Variants in ZNF736 observed in about 807,000 individuals in gnomAD.
ZNF736 encodes zinc finger protein 736.
ZNF736 carries 6 observed loss-of-function variants against 11.7 expected under a neutral mutation model. The observed-to-expected ratio is 0.51, with a 90% CI of 0.28 to 1.01. The LOEUF (loss-of-function observed/expected upper bound fraction) is 1.01. ZNF736 is among the 50% of genes least tolerant of loss of function. ZNF736 has a pLI of 0.09. For synonymous variants in ZNF736, 139 were observed against 164.7 expected (o/e 0.84, Z 1.19); for missense variants, 444 against 496.0 (o/e 0.90, Z 1.00).
intron 1 of ZNF736, 89 bp downstream of exon 1, chr7:64,314,242 G>C: frequency 3.3e-6 from 5 of 1,510,254 alleles, no homozygotes; most frequent in Non-Finnish European, 4.5e-6. Flanking sequence ...GGGCCTTCTC[G>C]CGGTCTGCTC....
intron 3 of ZNF736, among the ~76,000 whole-genome samples, chr7:64,339,828 A>G (rs2115943684): frequency 6.6e-6 from 1 of 152,308 alleles, no homozygotes; most frequent in South Asian, 2.1e-4. Context: ...GAAAAATTGT[A>G]CTAAAATTTT....
At chr7:64,321,309 A>C (rs1485564165) in intron 1 of ZNF736, among the ~76,000 whole-genome samples, 1 of 152,216 alleles carries the variant, frequency 6.6e-6, no homozygotes, top group Non-Finnish European at 1.5e-5. Flanking sequence ...CAGTTAAAGA[A>C]ATTGCCTTTT....
intron 1 of ZNF736, among the ~76,000 whole-genome samples, chr7:64,328,254 G>GTTT (rs71060587): frequency 0.12 from 17,116 of 147,226 alleles, 1,399 homozygotes; most frequent in East Asian, 0.47. Flanking sequence ...AGTTGTTTTT[G>GTTT]TTTTTTTTTT....
At chr7:64,314,791 C>A (rs1453400073) in intron 1 of ZNF736, among the ~76,000 whole-genome samples, 1 of 152,122 alleles carries the variant, frequency 6.6e-6, no homozygotes, top group East Asian at 1.9e-4. Context: ...TCTCGAACTC[C>A]CCGAGCTCAG....
intron 3 of ZNF736, among the ~76,000 whole-genome samples, chr7:64,338,098 C>T (rs772709676): frequency 7.9e-5 from 12 of 152,076 alleles, no homozygotes; most frequent in East Asian, 1.9e-4. Context: ...TTATTTTAAA[C>T]GACATCGTTT....
intron 1 of ZNF736, among the ~76,000 whole-genome samples, chr7:64,331,866 T>G (rs1789172307): frequency 1.3e-5 from 2 of 152,142 alleles, no homozygotes; most frequent in African/African-American, 4.8e-5. Context: ...GAAAGGCAAC[T>G]GAGTGATGGA....
chr7:64,345,740 A>AAAAG (rs1789401796), intron 3 of ZNF736, among the ~76,000 whole-genome samples: 7 of 151,188 alleles, frequency 4.6e-5, no homozygotes, highest in Admixed American at 4.6e-4. Context: ...CTTAAAAAAA[A>AAAAG]AAAAAAAAAA....
chr7:64,338,105 G>A (rs1055490190), intron 3 of ZNF736, among the ~76,000 whole-genome samples: 7 of 151,924 alleles, frequency 4.6e-5, no homozygotes, highest in Non-Finnish European at 7.4e-5. Flanking sequence ...AAACGACATC[G>A]TTTTGTGGTT....
intron 3 of ZNF736, among the ~76,000 whole-genome samples, chr7:64,337,559 C>T (rs1562673390): frequency 2.0e-5 from 3 of 152,032 alleles, no homozygotes; most frequent in Non-Finnish European, 4.4e-5. Flanking sequence ...CTAAATGAAA[C>T]AAACTCTAAA....
chr7:64,344,260 C>T (rs1789379591), intron 3 of ZNF736, among the ~76,000 whole-genome samples: 1 of 152,120 alleles, frequency 6.6e-6, no homozygotes. Context: ...CAAGACGGCA[C>T]CACTGCACTC....
chr7:64,346,338 T>A (rs1435697006), intron 3 of ZNF736, among the ~76,000 whole-genome samples: 2 of 151,600 alleles, frequency 1.3e-5, no homozygotes, highest in African/African-American at 2.4e-5. Flanking sequence ...CTTTTTTTTT[T>A]ATTAGATCTA....
In ZNF736 at chr7:64,349,356, A is replaced by G. The variant is rs1789456427; in HGVS notation, c.*209A>G. The G allele has an allele frequency of 5.0e-6, 2 of 401,260 alleles. No individual in the cohort carries two copies. Among genetic ancestry groups the G allele is most frequent in the Non-Finnish European group, 8.7e-6 (2 of 229,358 alleles). The allele number at this position is 401,260 out of a possible 1,614,324, so 24.9% of individuals were successfully genotyped here. A position where few individuals can be genotyped will look rare whatever the true frequency, so the allele number is the denominator to read the frequency against. Reference sequence around the variant, plus strand: ...TGTAATGCCCTTTTTTTTTAAATCTATGTTAATTTCAAGTCTGTTTTGTCA... The same window carrying G: ...TGTAATGCCCTTTTTTTTTAAATCTGTGTTAATTTCAAGTCTGTTTTGTCA... On this transcript the variant is annotated 3_prime_UTR_variant, in exon 4 of 4. Coordinates refer to ENST00000423484, the MANE Select transcript of ZNF736 (RefSeq NM_001170905.3).
chr7:64,327,458 T>TTTTG lies in ZNF736; in HGVS notation c.4-8781_4-8778dup, dbSNP rs932277682. The stretch of plus-strand genomic sequence containing the variant: ...GAAACAAATTGTCGGGTCTTGGGTT[T>TTTTG]TTTGTTTGTTTGTTTGTTTGTTTTA... On this transcript the variant is annotated intron_variant, in intron 1 of 3. Transcript: ENST00000423484. Among the ~76,000 whole-genome samples the TTTTG allele has an allele frequency of 4.6e-5, 7 of 152,246 alleles. No homozygotes were observed. In the East Asian group the frequency reaches 7.7e-4, roughly 17 times the overall value.
In ZNF736 at chr7:64,351,426, T is replaced by C. The variant is rs663869; in HGVS notation, c.*2279T>C. ...GGGCTGGTGCAGTCATAGGGGCTGC[T>C]TTGCTGGAGCTCTTCATGAGTCAGG... On this transcript the variant is annotated 3_prime_UTR_variant, in exon 4 of 4. Transcript: ENST00000423484. 140,130 of 152,454 alleles carry C rather than the reference T, an allele frequency of 0.92. 64,507 individuals carry two copies. The highest frequency in any genetic ancestry group is 0.94 in the Non-Finnish European group (64,173 of 68,206). The allele number at this position is 152,454 out of a possible 1,614,324, so 9.4% of individuals were successfully genotyped here. A position where few individuals can be genotyped will look rare whatever the true frequency, so the allele number is the denominator to read the frequency against.
intron 3 of ZNF736, among the ~76,000 whole-genome samples, chr7:64,341,911 A>G (rs1166166989): frequency 6.6e-6 from 1 of 152,172 alleles, no homozygotes; most frequent in Non-Finnish European, 1.5e-5. Flanking sequence ...GAAAGGTCCA[A>G]AGGTGAAGGA....
chr7:64,315,036 TAGTG>T (rs1259986776), intron 1 of ZNF736, among the ~76,000 whole-genome samples: 5 of 152,300 alleles, frequency 3.3e-5, no homozygotes, highest in East Asian at 1.9e-4. Context: ...GTCCTCTCAA[TAGTG>T]AGTGAGTTCC....
chr7:64,347,118 G>A (rs1017292797), intron 3 of ZNF736, among the ~76,000 whole-genome samples: 1 of 149,302 alleles, frequency 6.7e-6, no homozygotes, highest in African/African-American at 2.5e-5. Flanking sequence ...GAGGGAATAT[G>A]ATACCAATTT....
At chr7:64,339,613 C>T (rs1429657430) in intron 3 of ZNF736, among the ~76,000 whole-genome samples, 1 of 152,078 alleles carries the variant, frequency 6.6e-6, no homozygotes, top group Non-Finnish European at 1.5e-5. Flanking sequence ...GGATTTGTTT[C>T]CGGGCTCTCC....
intron 3 of ZNF736, 48 bp from the exon 4 acceptor site, chr7:64,348,042 T>C (rs1412293136): frequency 6.8e-5 from 91 of 1,337,104 alleles, no homozygotes; most frequent in Admixed American, 2.6e-4. Context: ...ATTTGTGAAG[T>C]ATATTCACCT....
Sources: gnomAD v4.1 joint callset for allele counts (sites outside exome capture counted in the v4.1 genomes callset) on GRCh38, gnomAD v4.1.1 for gene constraint, MANE v1.5 for transcripts, NCBI Gene and HGNC (gene_info 2026-07-23, HGNC 2026-07-21) for gene names.